Variants in LRRC4C observed in about 807,000 individuals in gnomAD.
The protein encoded by LRRC4C is leucine rich repeat containing 4C, also known as leucine-rich repeat-containing protein 4C.
A neutral mutation model predicts 33.6 loss-of-function variants in LRRC4C; 5 were observed. The observed-to-expected ratio is 0.15, with a 90% confidence interval of 0.08 to 0.31. LRRC4C has a LOEUF of 0.31. Ranked by LOEUF, LRRC4C falls within the 10% of genes least tolerant of loss-of-function variation. The pLI is 1.00. For synonymous variants in LRRC4C, 329 were observed against 302.0 expected, an observed-to-expected ratio of 1.09 and a Z score of -0.93; for missense variants, 560 against 796.7, an observed-to-expected ratio of 0.70 and a Z score of 3.58.
chr11:41,115,202 G>C (rs1942051260), intron 1 of LRRC4C, among the ~76,000 whole-genome samples: 1 of 152,016 alleles, frequency 6.6e-6, no homozygotes, highest in Non-Finnish European at 1.5e-5. Context: ...AAAACTTTCA[G>C]AGCTAAAGGA....
At chr11:40,813,842 C>A (rs1951594082) in intron 2 of LRRC4C, among the ~76,000 whole-genome samples, 1 of 152,166 alleles carries the variant, frequency 6.6e-6, no homozygotes, top group African/African-American at 2.4e-5. Flanking sequence ...GTCATTAAAC[C>A]TTAATAATGT....
At chr11:40,466,276 G>C (rs1303707553) in intron 3 of LRRC4C, among the ~76,000 whole-genome samples, 1 of 151,950 alleles carries the variant, frequency 6.6e-6, no homozygotes, top group East Asian at 1.9e-4. Flanking sequence ...TGGGAGAATG[G>C]GGGGAGAGTG....
intron 3 of LRRC4C, among the ~76,000 whole-genome samples, chr11:40,577,148 T>A (rs1958226611): frequency 6.6e-6 from 1 of 152,190 alleles, no homozygotes; most frequent in African/African-American, 2.4e-5. Context: ...CATGAACTTG[T>A]GACACTAGGA....
intron 5 of LRRC4C, among the ~76,000 whole-genome samples, chr11:40,152,763 T>A (rs936220183): frequency 1.3e-5 from 2 of 151,736 alleles, no homozygotes; most frequent in African/African-American, 4.8e-5. Flanking sequence ...CTCACCCCCA[T>A]CCCCCACAGC....
intron 2 of LRRC4C, among the ~76,000 whole-genome samples, chr11:40,654,831 C>CA (rs1470200603): frequency 2.0e-5 from 3 of 152,144 alleles, no homozygotes; most frequent in South Asian, 2.1e-4. Context: ...ACCCACGTGT[C>CA]AAAGACAGGA....
intron 5 of LRRC4C, among the ~76,000 whole-genome samples, chr11:40,213,390 A>G (rs965652914): frequency 2.0e-5 from 3 of 152,138 alleles, no homozygotes; most frequent in African/African-American, 7.2e-5. Context: ...CACCAGTTGA[A>G]TATGTCACGC....
rs1418755741 is a variant in LRRC4C, at chr11:41,314,629, TCA to T, written c.-496+144800_-496+144801del. ...TCACTTGGACACAGGGCAGGGAACA[TCA>T]CACACCAGGGCCTGTCAGGGGTGCG... On this transcript the variant is annotated intron_variant, in intron 1 of 6. Coordinates refer to ENST00000528697, the MANE Select transcript of LRRC4C (RefSeq NM_001258419.2). 2.0e-5 allele frequency among the ~76,000 whole-genome samples: 3 copies of T among 151,996 alleles called. No homozygotes were observed. In the East Asian group the frequency reaches 5.8e-4, roughly 29 times the overall value.
intron 2 of LRRC4C, among the ~76,000 whole-genome samples, chr11:40,765,919 G>T (rs1282062999): frequency 6.6e-6 from 1 of 151,740 alleles, no homozygotes; most frequent in Non-Finnish European, 1.5e-5. Context: ...TATTCAAAGG[G>T]ATAATAACAA....
chr11:40,402,001 G>A (rs1404989664), intron 3 of LRRC4C, among the ~76,000 whole-genome samples: 2 of 152,036 alleles, frequency 1.3e-5, no homozygotes, highest in African/African-American at 4.8e-5. Flanking sequence ...ATGTAACAAT[G>A]TTAGGGAGGT....
intron 5 of LRRC4C, among the ~76,000 whole-genome samples, chr11:40,187,857 G>A (rs911266001): frequency 1.3e-5 from 2 of 152,088 alleles, no homozygotes; most frequent in African/African-American, 2.4e-5. Context: ...AGCCGTTAGA[G>A]GAGAAAAATG....
intron 2 of LRRC4C, among the ~76,000 whole-genome samples, chr11:40,743,372 A>C (rs1449179053): frequency 6.6e-6 from 1 of 152,038 alleles, no homozygotes; most frequent in Non-Finnish European, 1.5e-5. Flanking sequence ...AAAACAACAC[A>C]AATGTATTAT....
intron 1 of LRRC4C, among the ~76,000 whole-genome samples, chr11:41,336,269 C>T (rs982360772): frequency 6.6e-6 from 1 of 151,206 alleles, no homozygotes; most frequent in Non-Finnish European, 1.5e-5. Flanking sequence ...AAAGTAAGGT[C>T]TTCCTGTACT....
At chr11:40,354,828 C>T (rs758588414) in intron 3 of LRRC4C, among the ~76,000 whole-genome samples, 5 of 152,114 alleles carry the variant, frequency 3.3e-5, no homozygotes, top group African/African-American at 4.8e-5. Context: ...GTGCTCTACC[C>T]TACTGTGGCC....
chr11:40,554,603 T>C (rs921125795), intron 3 of LRRC4C, among the ~76,000 whole-genome samples: 1 of 152,154 alleles, frequency 6.6e-6, no homozygotes, highest in Non-Finnish European at 1.5e-5. Flanking sequence ...GCATGAAATG[T>C]TTTTCCATTT....
intron 1 of LRRC4C, among the ~76,000 whole-genome samples, chr11:41,059,201 A>C (rs1397355656): frequency 1.4e-5 from 1 of 70,500 alleles, no homozygotes; most frequent in African/African-American, 4.5e-5. Flanking sequence ...TCCTGATACT[A>C]AAATAAAAGT....
At chr11:41,240,821 GCA>G (rs967501863) in intron 1 of LRRC4C, among the ~76,000 whole-genome samples, 25 of 151,892 alleles carry the variant, frequency 1.6e-4, no homozygotes, top group Non-Finnish European at 3.2e-4. Flanking sequence ...TAACACACAC[GCA>G]CACACACACA....
intron 1 of LRRC4C, among the ~76,000 whole-genome samples, chr11:41,355,202 C>A (rs1040794651): frequency 5.3e-5 from 8 of 151,880 alleles, no homozygotes; most frequent in Non-Finnish European, 1.5e-5. Context: ...ATACAAGTGA[C>A]CAAGAACATG....
At position 40,933,969 on chromosome 11, in the gene LRRC4C, G is replaced by T. The variant is rs1245784221; in HGVS notation, c.-495-246C>A. Among the ~76,000 whole-genome samples the T allele has an allele frequency of 3.9e-5, 6 of 152,138 alleles. No individual in the cohort carries two copies. In the East Asian group the frequency reaches 1.2e-3, roughly 29 times the overall value. ...CACAATATTTGGTTCTGAGAAAAGT[G>T]TCACTTTATCAAATTTGTCTTTCTA... On this transcript the variant is annotated intron_variant, in intron 1 of 6. Coordinates refer to ENST00000528697, the MANE Select transcript of LRRC4C (RefSeq NM_001258419.2).
chr11:41,310,713 T>TA (rs1365043409), intron 1 of LRRC4C, among the ~76,000 whole-genome samples: 1 of 152,024 alleles, frequency 6.6e-6, no homozygotes, highest in Non-Finnish European at 1.5e-5. Context: ...GCAACCAGTC[T>TA]AAAAAACCAG....
Sources: gnomAD v4.1 joint callset for allele counts (sites outside exome capture counted in the v4.1 genomes callset) on GRCh38, gnomAD v4.1.1 for gene constraint, MANE v1.5 for transcripts, NCBI Gene and HGNC (gene_info 2026-07-23, HGNC 2026-07-21) for gene names.